ADD3: variants seen among roughly 807,000 people sequenced by gnomAD.
The protein encoded by ADD3 is gamma-adducin.
In ADD3, 25 loss-of-function variants were observed where a neutral mutation model predicts 80.2. That is an observed-to-expected ratio of 0.31 (90% CI 0.23 to 0.44). The LOEUF (loss-of-function observed/expected upper bound fraction) is 0.44. ADD3 is among the 20% of genes least tolerant of loss of function. The probability of loss-of-function intolerance (pLI) is 1.00; values close to 1 mark genes in which losing one functional copy is unlikely to be tolerated. For missense variants in ADD3, 829 were observed against 847.5 expected, an observed-to-expected ratio of 0.98 and a Z score of 0.27; for synonymous variants, 284 against 289.6, an observed-to-expected ratio of 0.98 and a Z score of 0.20.
chr10:110,034,487 T>G (rs1855416780), intron 1 of ADD3, among the ~76,000 whole-genome samples: 1 of 151,818 alleles, frequency 6.6e-6, no homozygotes, highest in Non-Finnish European at 1.5e-5. Flanking sequence ...TATTTTAAAT[T>G]CAACTGTAAG....
At position 110,133,621 on chromosome 10, in the gene ADD3, A is replaced by T; in HGVS notation, c.*3A>T. 6.4e-7 allele frequency: 1 copy of T among 1,562,266 alleles called. No homozygotes were observed. Among genetic ancestry groups the T allele is most frequent in the Non-Finnish European group, 8.6e-7 (1 of 1,160,486 alleles). ...AAAAGGAGAAAGTTGAGGCCTAAAT[A>T]AAGTCTTTTTATAATTATTATTATA... On this transcript the variant is annotated 3_prime_UTR_variant, in exon 15 of 15. Coordinates refer to ENST00000356080, the MANE Select transcript of ADD3 (RefSeq NM_016824.5).
chr10:110,062,734 C>G (rs1221680142), intron 1 of ADD3, among the ~76,000 whole-genome samples: 1 of 152,204 alleles, frequency 6.6e-6, no homozygotes, highest in Non-Finnish European at 1.5e-5. Flanking sequence ...CTTTGCTCTT[C>G]AATAACGTAT....
At chr10:110,075,497 T>G (rs1428268044) in intron 1 of ADD3, 1 of 152,208 alleles carries the variant, frequency 6.6e-6, no homozygotes, top group African/African-American at 2.4e-5. Context: ...TTTTCAGTGG[T>G]GAAAGCCCCA....
At chr10:110,082,391 TAGATG>T in intron 1 of ADD3, among the ~76,000 whole-genome samples, 1 of 152,190 alleles carries the variant, frequency 6.6e-6, no homozygotes, top group African/African-American at 2.4e-5. Flanking sequence ...TTCCTGTCCT[TAGATG>T]AGAATGAATT....
intron 1 of ADD3, among the ~76,000 whole-genome samples, chr10:110,016,986 T>C (rs1038639492): frequency 6.6e-6 from 1 of 152,154 alleles, no homozygotes; most frequent in Non-Finnish European, 1.5e-5. Context: ...TGTTACATAT[T>C]TATATATATT....
chr10:110,023,311 C>T (rs1444836703), intron 1 of ADD3, among the ~76,000 whole-genome samples: 2 of 152,160 alleles, frequency 1.3e-5, no homozygotes, highest in African/African-American at 2.4e-5. Flanking sequence ...TATCTGTGAA[C>T]AAGGAAGCTG....
At chr10:110,050,323 A>G (rs1429242974) in intron 1 of ADD3, among the ~76,000 whole-genome samples, 1 of 151,990 alleles carries the variant, frequency 6.6e-6, no homozygotes, top group Non-Finnish European at 1.5e-5. Flanking sequence ...TCATGGGGGC[A>G]GTTTCCTCCA....
At chr10:110,013,185 C>T (rs1336262211) in intron 1 of ADD3, among the ~76,000 whole-genome samples, 1 of 152,178 alleles carries the variant, frequency 6.6e-6, no homozygotes, top group East Asian at 1.9e-4. Context: ...ACACTGCAAC[C>T]TCTGCCTTCT....
chr10:110,038,092 A>C (rs987260348), intron 1 of ADD3, among the ~76,000 whole-genome samples: 2 of 151,226 alleles, frequency 1.3e-5, no homozygotes, highest in East Asian at 3.9e-4. Context: ...AAAAAAAAAA[A>C]AGATATTTGG....
intron 9 of ADD3, among the ~76,000 whole-genome samples, chr10:110,123,619 A>C (rs1338819174): frequency 6.6e-6 from 1 of 152,066 alleles, no homozygotes; most frequent in Non-Finnish European, 1.5e-5. Flanking sequence ...GGCAAATGTT[A>C]TTTTAGATTT....
At chr10:110,123,306 A>G (rs1851740555) in intron 9 of ADD3, among the ~76,000 whole-genome samples, 1 of 152,196 alleles carries the variant, frequency 6.6e-6, no homozygotes, top group African/African-American at 2.4e-5. Context: ...GTTTTCCACA[A>G]TGGCTATACT....
At chr10:110,116,187 C>A in intron 3 of ADD3, 72 bp from the exon 4 acceptor site, 1 of 1,518,730 alleles carries the variant, frequency 6.6e-7, no homozygotes, top group South Asian at 1.2e-5. Context: ...ACGCAGGCTA[C>A]TTCCTGGCAA....
At chr10:110,019,520 A>T (rs1853409479) in intron 1 of ADD3, among the ~76,000 whole-genome samples, 1 of 151,938 alleles carries the variant, frequency 6.6e-6, no homozygotes, top group African/African-American at 2.4e-5. Flanking sequence ...ACGCCCGGCT[A>T]ATTTTTTGTA....
chr10:110,008,699 G>A (rs1851954218), intron 1 of ADD3, among the ~76,000 whole-genome samples: 2 of 152,222 alleles, frequency 1.3e-5, no homozygotes, highest in Non-Finnish European at 2.9e-5. Context: ...CGCTCCAGGG[G>A]AGTGAGAGGT....
chr10:110,033,540 T>G (rs565875759), intron 1 of ADD3, among the ~76,000 whole-genome samples: 30 of 152,184 alleles, frequency 2.0e-4, no homozygotes, highest in South Asian at 4.1e-4. Flanking sequence ...TTGGGATCCA[T>G]CCAGCTGGCA....
At chr10:110,130,210 A>G (rs1852776275) in intron 12 of ADD3, among the ~76,000 whole-genome samples, 153 bp from the exon 13 acceptor site, 1 of 152,208 alleles carries the variant, frequency 6.6e-6, no homozygotes, top group African/African-American at 2.4e-5. Context: ...GAGCATTTTA[A>G]ACAAAGCATG....
chr10:110,024,784 T>A (rs1854084465), intron 1 of ADD3, among the ~76,000 whole-genome samples: 1 of 152,200 alleles, frequency 6.6e-6, no homozygotes, highest in South Asian at 2.1e-4. Context: ...ACTATTTGAA[T>A]CAAATTTTTA....
intron 2 of ADD3, among the ~76,000 whole-genome samples, chr10:110,105,753 G>A (rs1037333834): frequency 6.6e-6 from 1 of 152,166 alleles, no homozygotes; most frequent in Non-Finnish European, 1.5e-5. Context: ...TACATTTTAG[G>A]ATATCACTGG....
chr10:110,077,647 A>G (rs893508422), intron 1 of ADD3, among the ~76,000 whole-genome samples: 8 of 152,160 alleles, frequency 5.3e-5, no homozygotes, highest in Admixed American at 5.2e-4. Context: ...CTGCAGCCCA[A>G]AGTTCTGTTC....
Sources: allele counts gnomAD v4.1 joint callset (sites outside exome capture counted in the v4.1 genomes callset), GRCh38; gene constraint gnomAD v4.1.1; transcripts MANE v1.5; gene names NCBI Gene and HGNC (gene_info 2026-07-23, HGNC 2026-07-21).